The following TNIP2 variants were observed in gnomAD, a reference collection of about 807,000 sequenced individuals.
TNIP2 encodes TNFAIP3 interacting protein 2.
Under a neutral mutation model 43.7 loss-of-function variants are expected in TNIP2, and 30 were observed. The observed-to-expected ratio is 0.69, with a 90% confidence interval of 0.51 to 0.93. The LOEUF is 0.93. TNIP2 is among the 40% of genes least tolerant of loss of function. The probability of loss-of-function intolerance (pLI) is 0.00; values close to 1 mark genes in which losing one functional copy is unlikely to be tolerated. For missense variants in TNIP2, 599 were observed against 591.0 expected (o/e 1.01, Z -0.14); for synonymous variants, 260 against 254.6 (o/e 1.02, Z -0.20).
In TNIP2 at chr4:2,744,919, C is replaced by T. The variant is rs766985672; in HGVS notation, c.684G>A (p.Gln228=). The T allele has an allele frequency of 6.2e-7, 1 of 1,608,796 alleles. No homozygotes were observed. Among genetic ancestry groups the T allele is most frequent in the Admixed American group, 1.7e-5 (1 of 59,926 alleles). ...THVEDLNAKW[Q]RYNASRDEYV... ...ATTCGTCCCTGCTGGCGTTGTAGCGCTGCCACTTGGCATTGAGGTCTTCAA... is the reference window on the plus strand; with the variant it reads ...ATTCGTCCCTGCTGGCGTTGTAGCGTTGCCACTTGGCATTGAGGTCTTCAA... Residue 228 remains glutamine (Q), a synonymous_variant, in exon 4 of 6, where the codon CAG becomes CAA. Coordinates refer to ENST00000315423, the MANE Select transcript of TNIP2 (RefSeq NM_024309.4). The surrounding 1 kb of genome is among the most constrained non-coding windows in gnomAD (Gnocchi z 5.1).
intron 1 of TNIP2, among the ~76,000 whole-genome samples, chr4:2,751,865 G>C (rs1722110771): frequency 6.6e-6 from 1 of 151,912 alleles, no homozygotes; most frequent in Admixed American, 6.6e-5. Context: ...CAGCACTTTG[G>C]GAGGCTGAGG....
At chr4:2,750,677 T>TG (rs1481439839) in intron 1 of TNIP2, among the ~76,000 whole-genome samples, 2 of 136,272 alleles carry the variant, frequency 1.5e-5, no homozygotes, top group Admixed American at 7.3e-5. Context: ...ACCTGACTTC[T>TG]GGTTTTTTTT....
chr4:2,742,551 G>C (rs1245498355), intron 5 of TNIP2, 31 bp from the exon 6 acceptor site: 2 of 1,494,030 alleles, frequency 1.3e-6, no homozygotes, highest in Non-Finnish European at 1.8e-6. Flanking sequence ...TATATACGTG[G>C]GCTGTGCTGA....
chr4:2,747,372 A>G, intron 2 of TNIP2: 1 of 403,138 alleles, frequency 2.5e-6, no homozygotes, highest in Non-Finnish European at 4.5e-6. Flanking sequence ...TCCTCAGCTG[A>G]GGCAGATGAA....
intron 1 of TNIP2, among the ~76,000 whole-genome samples, chr4:2,754,972 G>A (rs1313130003): frequency 2.0e-5 from 3 of 152,138 alleles, no homozygotes; most frequent in Non-Finnish European, 4.4e-5. Flanking sequence ...CAATCTGCCC[G>A]CCTTGCCTCC....
At position 2,756,073 on chromosome 4, in the gene TNIP2, G is replaced by C. The variant is rs74548850; in HGVS notation, c.217C>G (p.Arg73Gly). 67,854 of 1,537,510 alleles carry C rather than the reference G, an allele frequency of 0.044. 1,695 individuals carry two copies. Among genetic ancestry groups the C allele is most frequent in the Middle Eastern group, 0.084 (362 of 4,302 alleles). Residue 73 changes from arginine to glycine, a missense_variant, in exon 1 of 6, where the codon CGC (arginine) becomes GGC (glycine). Transcript: ENST00000315423. Reference sequence around the variant, plus strand: ...TGCCTTCGCAGCTGCTCCCGGAAGCGCGCAACCTGCTCCAGCAGCGCGTCC... The same window carrying C: ...TGCCTTCGCAGCTGCTCCCGGAAGCCCGCAACCTGCTCCAGCAGCGCGTCC... ...LVDALLEQVA[R>G]FREQLRRQEG...
intron 1 of TNIP2, among the ~76,000 whole-genome samples, chr4:2,748,386 AG>A (rs1269891316): frequency 1.3e-5 from 2 of 151,902 alleles, no homozygotes; most frequent in African/African-American, 2.4e-5. Context: ...TCTGTCGCTC[AG>A]GCTCGAGTGC....
At chr4:2,751,606 C>T (rs566835580) in intron 1 of TNIP2, among the ~76,000 whole-genome samples, 1 of 151,540 alleles carries the variant, frequency 6.6e-6, no homozygotes, top group Non-Finnish European at 1.5e-5. Flanking sequence ...CTTGTCTCTA[C>T]AAAAAATACA....
intron 5 of TNIP2, among the ~76,000 whole-genome samples, chr4:2,743,727 G>T (rs190227573): frequency 1.3e-5 from 2 of 152,208 alleles, no homozygotes; most frequent in Non-Finnish European, 2.9e-5. Flanking sequence ...TCTTTGAGTG[G>T]GGCCCAGGCT....
Position 2,756,164 on chromosome 4 carries a change from G to A in TNIP2, c.126C>T (p.Asp42=). ...RRLQDQLAAR[D]ALIARLRARL... is the part of the protein sequence containing the mutation. Reference sequence around the variant, plus strand: ...GGGCGCGGAGGCGAGCGATGAGGGCGTCGCGGGCAGCGAGCTGGTCCTGCA... The same window carrying A: ...GGGCGCGGAGGCGAGCGATGAGGGCATCGCGGGCAGCGAGCTGGTCCTGCA... Residue 42 remains aspartate (D), a synonymous_variant, in exon 1 of 6, where the codon GAC becomes GAT. Transcript: ENST00000315423. The A allele has an allele frequency of 6.8e-7, 1 of 1,477,774 alleles. No individual in the cohort carries two copies. Among genetic ancestry groups the A allele is most frequent in the Non-Finnish European group, 8.9e-7 (1 of 1,122,238 alleles). The allele number at this position is 1,477,774 out of a possible 1,614,324, so 91.5% of individuals were successfully genotyped here.
At position 2,744,659 on chromosome 4, in the gene TNIP2, A is replaced by G. The variant is rs1296438426; in HGVS notation, c.906+38T>C. 1.3e-6 allele frequency: 2 copies of G among 1,589,284 alleles called. No homozygotes were observed. The highest frequency in any genetic ancestry group is 1.1e-5 in the South Asian group (1 of 89,198). ...TTTCGGCCACCACCGGCCAGCAGAC[A>G]TCTGGTCAGTGCCGTCCGGAGCCCG... On this transcript the variant is annotated intron_variant, in intron 4 of 5. Transcript: ENST00000315423. The surrounding 1 kb of genome is among the most constrained non-coding windows in gnomAD (Gnocchi z 5.1).
chr4:2,742,707 C>T (rs28570362), intron 5 of TNIP2, among the ~76,000 whole-genome samples, 187 bp from the exon 6 acceptor site: 27 of 152,318 alleles, frequency 1.8e-4, no homozygotes, highest in African/African-American at 6.5e-4. Flanking sequence ...ATCACACACA[C>T]GCTCCGTCAT....
Position 2,744,963 on chromosome 4 carries a change from G to GA in TNIP2, c.658-19dup, listed in dbSNP as rs753754941. ...TCTTCAACCTGAAGAGGTGGAGCCGGAAAGCTCACGGTGAAGGCAGCTGAC... is the reference window on the plus strand; with the variant it reads ...TCTTCAACCTGAAGAGGTGGAGCCGGAAAAGCTCACGGTGAAGGCAGCTGAC... On this transcript the variant is annotated intron_variant, in intron 3 of 5. Transcript: ENST00000315423. The surrounding 1 kb of genome is among the most constrained non-coding windows in gnomAD (Gnocchi z 5.1). 2.5e-6 allele frequency: 4 copies of GA among 1,591,514 alleles called. No individual in the cohort carries two copies. The East Asian group carries it at 6.8e-5, about 27-fold the overall frequency.
intron 1 of TNIP2, among the ~76,000 whole-genome samples, chr4:2,749,378 A>G (rs1403468276): frequency 6.6e-6 from 1 of 152,196 alleles, no homozygotes; most frequent in African/African-American, 2.4e-5. Context: ...CAAACCTCCC[A>G]TTCCCCGGTA....
In TNIP2 at chr4:2,747,803, C is replaced by G. The variant is rs368961695; in HGVS notation, c.419G>C (p.Ser140Thr). Reference protein sequence around the residue: ...MAEGERARAASDVLCRSLANE... With the variant: ...MAEGERARAATDVLCRSLANE... ...GGCCAAGGAGCGGCACAGGACGTCA[C>G]TGGCGGCCCGGGCGCGCTCCCCTTC... The change falls in exon 2 of 6, where the codon AGT (serine) becomes ACT (threonine). Residue 140 changes from serine to threonine, a missense_variant. Ser to Thr is a moderately conservative substitution (Grantham distance 58, BLOSUM62 1). Coordinates refer to ENST00000315423, the MANE Select transcript of TNIP2 (RefSeq NM_024309.4). 1.5e-5 allele frequency: 24 copies of G among 1,612,880 alleles called. No homozygotes were observed. The African/African-American group carries it at 2.8e-4, about 19-fold the overall frequency.
At chr4:2,749,548 T>C (rs972382466) in intron 1 of TNIP2, among the ~76,000 whole-genome samples, 3 of 151,138 alleles carry the variant, frequency 2.0e-5, no homozygotes, top group African/African-American at 7.3e-5. Context: ...AAGATAGGAG[T>C]GACGTCTTGT....
At chr4:2,749,466 C>T (rs112936005) in intron 1 of TNIP2, among the ~76,000 whole-genome samples, 18 of 152,298 alleles carry the variant, frequency 1.2e-4, no homozygotes, top group Non-Finnish European at 1.8e-4. Flanking sequence ...TGGATTAGGA[C>T]GGGACTGGTG....
rs1183217699 is a variant in TNIP2, at chr4:2,747,655, C to G, written c.567G>C (p.Gln189His). The change falls in exon 2 of 6, where the codon CAG becomes CAC. Residue 189 changes from glutamine to histidine, a missense_variant and splice_region_variant. By Grantham distance (24) the Gln-to-His change is conservative. Coordinates refer to ENST00000315423, the MANE Select transcript of TNIP2 (RefSeq NM_024309.4). ...ACACTCTGCTTACACTGTGGCCTACCTGGTCAGGACTTCTCTCCCCCACAT... is the reference window on the plus strand; with the variant it reads ...ACACTCTGCTTACACTGTGGCCTACGTGGTCAGGACTTCTCTCCCCCACAT... Reference protein sequence around the residue: ...QRNVGERSPDQSEHTDGHTSV... With the variant: ...QRNVGERSPDHSEHTDGHTSV... 14 of 1,594,016 alleles carry G rather than the reference C, an allele frequency of 8.8e-6. No homozygotes were observed. The Admixed American group carries it at 1.3e-4, about 15-fold the overall frequency.
chr4:2,742,551 G>A, intron 5 of TNIP2, 31 bp from the exon 6 acceptor site: 1 of 1,494,148 alleles, frequency 6.7e-7, no homozygotes, highest in South Asian at 1.3e-5. Context: ...TATATACGTG[G>A]GCTGTGCTGA....
Sources: gnomAD v4.1 joint callset for allele counts (sites outside exome capture counted in the v4.1 genomes callset) on GRCh38, gnomAD v4.1.1 for gene constraint, Gnocchi (gnomAD v3.1) non-coding constraint, MANE v1.5 for transcripts, NCBI Gene and HGNC (gene_info 2026-07-23, HGNC 2026-07-21) for gene names.